The following FGF13 variants were observed in gnomAD, a reference collection of about 807,000 sequenced individuals.
FGF13 encodes fibroblast growth factor homologous factor 2.
FGF13 carries 2 observed loss-of-function variants against 19.5 expected under a neutral mutation model. The ratio of observed to expected loss-of-function variants is 0.10; its 90% confidence interval spans 0.04 to 0.32. FGF13 has a LOEUF of 0.32. Among genes scored for constraint, FGF13 ranks in the 10% least tolerant of loss-of-function variants. FGF13 has a pLI of 1.00. For missense variants in FGF13, 113 were observed against 192.7 expected, an observed-to-expected ratio of 0.59 and a Z score of 2.45; for synonymous variants, 72 against 76.9, an observed-to-expected ratio of 0.94 and a Z score of 0.33.
intron 3 of FGF13, among the ~76,000 whole-genome samples, chrX:138,782,379 G>C (rs1412901052): frequency 9.0e-6 from 1 of 111,343 alleles, no homozygotes; most frequent in East Asian, 2.8e-4. Context: ...AATTGTCCCT[G>C]TTTGCAGATG....
intron 3 of FGF13, among the ~76,000 whole-genome samples, chrX:138,762,322 T>G (rs2124331399): frequency 1.8e-5 from 2 of 111,582 alleles, no homozygotes; most frequent in Admixed American, 1.9e-4. Context: ...TTAACTCCAC[T>G]GAAATCTCTA....
chrX:138,802,003 T>C (rs1055410828), intron 3 of FGF13, among the ~76,000 whole-genome samples: 1 of 112,537 alleles, frequency 8.9e-6, no homozygotes, highest in South Asian at 3.7e-4. Context: ...CCAGTGGTTC[T>C]TAGCTTGCTG....
At position 138,617,122 on chromosome X, in the gene FGF13, T is replaced by C; in HGVS notation, c.*15728A>G. On this transcript the variant is annotated 3_prime_UTR_variant, in exon 5 of 5. Coordinates refer to ENST00000315930, the MANE Select transcript of FGF13 (RefSeq NM_004114.5). ...TGTAGTGATAGGAATATTCTATATCTTGAAAGGAGTTTCTGTTACATGGTG... is the reference window on the plus strand; with the variant it reads ...TGTAGTGATAGGAATATTCTATATCCTGAAAGGAGTTTCTGTTACATGGTG... 1 of 111,975 alleles carries C rather than the reference T, an allele frequency of 8.9e-6. No individual in the cohort carries two copies. Among genetic ancestry groups the C allele is most frequent in the Admixed American group, 9.5e-5 (1 of 10,547 alleles). 9.2% of individuals were successfully genotyped at this position (111,975 alleles called of 1,213,427 possible). A position where few individuals can be genotyped will look rare whatever the true frequency, so the allele number is the denominator to read the frequency against.
At chrX:139,129,181 A>ATATG (rs1556370094) in intron 1 of FGF13, among the ~76,000 whole-genome samples, 1 of 87,100 alleles carries the variant, frequency 1.1e-5, no homozygotes, top group Admixed American at 1.2e-4. Context: ...ACACACACAC[A>ATATG]TGTGTGTGTG....
intron 3 of FGF13, among the ~76,000 whole-genome samples, chrX:138,847,601 T>C: frequency 8.9e-6 from 1 of 111,985 alleles, no homozygotes; most frequent in Admixed American, 9.5e-5. Flanking sequence ...ATAATGTCTC[T>C]TGTTTAACGC....
chrX:139,176,281 T>G (rs2084182974), intron 1 of FGF13, among the ~76,000 whole-genome samples: 1 of 111,350 alleles, frequency 9.0e-6, no homozygotes. Flanking sequence ...GTCTATTTGA[T>G]TCTTCTCTCT....
At chrX:139,163,757 T>G (rs2084055838) in intron 1 of FGF13, among the ~76,000 whole-genome samples, 1 of 111,427 alleles carries the variant, frequency 9.0e-6, no homozygotes, top group African/African-American at 3.3e-5. Context: ...TTTCTATTAT[T>G]ATTTGGGTTA....
intron 1 of FGF13, among the ~76,000 whole-genome samples, chrX:139,202,641 G>A (rs1326029189): frequency 9.0e-6 from 1 of 111,630 alleles, no homozygotes; most frequent in Non-Finnish European, 1.9e-5. Flanking sequence ...TAAAGGCCTT[G>A]AGCTGAAGAC....
rs1015896006 is a variant in FGF13 at position 139,202,143 on chromosome X, A to G, written c.-113+1273T>C. Among the ~76,000 whole-genome samples, 4 of 112,154 alleles carry G rather than the reference A, an allele frequency of 3.6e-5. No individual in the cohort carries two copies. In the East Asian group the frequency reaches 1.1e-3, roughly 32 times the overall value. ...CATTCTGGACAACTGCAAATTATAA[A>G]CAGAACAGAAACTCATTTTCTGTGA... On this transcript the variant is annotated intron_variant, in intron 1 of 2. Coordinates refer to the FGF13 transcript ENST00000421460.
intron 3 of FGF13, among the ~76,000 whole-genome samples, chrX:138,682,449 G>A (rs746156116): frequency 8.9e-6 from 1 of 112,570 alleles, no homozygotes; most frequent in South Asian, 3.6e-4. Flanking sequence ...TAATATCAGA[G>A]GGGTGTGTGT....
intron 3 of FGF13, among the ~76,000 whole-genome samples, chrX:138,754,855 A>G (rs2090421695): frequency 9.0e-6 from 1 of 111,275 alleles, no homozygotes; most frequent in Admixed American, 9.6e-5. Context: ...ACAATATTTC[A>G]TGTGTGCTGT....
In FGF13 at chrX:138,895,546, A is replaced by C. The variant is rs745421856; in HGVS notation, c.-112-30896T>G. Among the ~76,000 whole-genome samples the C allele has an allele frequency of 8.9e-5, 10 of 112,259 alleles. No homozygotes were observed. In the East Asian group the frequency reaches 2.8e-3, roughly 31 times the overall value. On this transcript the variant is annotated intron_variant, in intron 1 of 2. Transcript: ENST00000421460. ...ATTATCACATAGATAAGAGATTTGTACAGTGTTAGTGGGAATGTACATTGG... is the reference window on the plus strand; with the variant it reads ...ATTATCACATAGATAAGAGATTTGTCCAGTGTTAGTGGGAATGTACATTGG...
intron 2 of FGF13, chrX:138,857,765 G>A (rs2091267144): frequency 1.2e-6 from 1 of 817,429 alleles, no homozygotes; most frequent in African/African-American, 2.1e-5. Context: ...TCCCAGGGAA[G>A]ACTAAAGAAA....
chrX:138,744,198 CAG>C (rs1310863074), upstream of FGF13, among the ~76,000 whole-genome samples: 2 of 111,320 alleles, frequency 1.8e-5, no homozygotes, highest in East Asian at 5.8e-4. Context: ...CAGGGGCAGA[CAG>C]AACAGCCAGG....
At chrX:138,728,713 C>G (rs1476763114) in intron 1 of FGF13, among the ~76,000 whole-genome samples, 1 of 110,673 alleles carries the variant, frequency 9.0e-6, no homozygotes, top group Non-Finnish European at 1.9e-5. Context: ...ATCTGAGAGA[C>G]ACCCCATGGG....
chrX:139,022,956 A>C (rs1468353677), intron 1 of FGF13, among the ~76,000 whole-genome samples: 1 of 111,327 alleles, frequency 9.0e-6, no homozygotes, highest in Non-Finnish European at 1.9e-5. Flanking sequence ...CTTCACAAAA[A>C]CCATTTGAAA....
chrX:139,006,553 TGTG>T (rs2092102189), intron 1 of FGF13, among the ~76,000 whole-genome samples: 1 of 107,983 alleles, frequency 9.3e-6, no homozygotes, highest in Admixed American at 1.0e-4. Context: ...ACACTGTAAG[TGTG>T]GTGTGTAAAC....
intron 3 of FGF13, among the ~76,000 whole-genome samples, chrX:138,794,407 G>A (rs1014580141): frequency 1.3e-4 from 15 of 111,782 alleles, no homozygotes; most frequent in African/African-American, 4.9e-4. Context: ...CACTTGAGTA[G>A]CTATGAAGAT....
At chrX:138,833,699 A>AT (rs1287156596) in intron 3 of FGF13, among the ~76,000 whole-genome samples, 1 of 111,885 alleles carries the variant, frequency 8.9e-6, no homozygotes, top group East Asian at 2.8e-4. Flanking sequence ...ACTACGTTGA[A>AT]TAAGAGTTGT....
Sources: gnomAD v4.1 joint callset for allele counts (sites outside exome capture counted in the v4.1 genomes callset) on GRCh38, gnomAD v4.1.1 for gene constraint, MANE v1.5 for transcripts, NCBI Gene and HGNC (gene_info 2026-07-23, HGNC 2026-07-21) for gene names.